ACOT9: variants seen among roughly 807,000 people sequenced by gnomAD.
ACOT9 encodes acyl-coenzyme A thioesterase 9, mitochondrial.
Under a neutral mutation model 39.7 loss-of-function variants are expected in ACOT9, and 34 were observed. The observed-to-expected ratio is 0.86, with a 90% CI of 0.65 to 1.14. The LOEUF (loss-of-function observed/expected upper bound fraction) is 1.14, where lower values mean the gene tolerates loss of function less well. Among genes scored for constraint, ACOT9 ranks in the 50% most tolerant of loss-of-function variants. The pLI is 0.00. For synonymous variants in ACOT9, 110 were observed against 120.5 expected (o/e 0.91, Z 0.57); for missense variants, 313 against 344.1 (o/e 0.91, Z 0.71).
chrX:23,724,874 T>C (rs745847103), intron 6 of ACOT9, among the ~76,000 whole-genome samples: 9 of 110,855 alleles, frequency 8.1e-5, no homozygotes, highest in Non-Finnish European at 9.5e-5. Flanking sequence ...AAGTTTAAGG[T>C]TGCAGTAGGC....
At chrX:23,733,588 TTG>T (rs1370215954) in intron 3 of ACOT9, among the ~76,000 whole-genome samples, 1 of 111,517 alleles carries the variant, frequency 9.0e-6, no homozygotes, top group Non-Finnish European at 1.9e-5. Flanking sequence ...TTCTTTTTTG[TTG>T]TTTTTTTTGA....
chrX:23,720,047 A>C (rs751623439), intron 8 of ACOT9, among the ~76,000 whole-genome samples: 10 of 111,817 alleles, frequency 8.9e-5, no homozygotes, highest in East Asian at 2.8e-4. Flanking sequence ...GTTAGCCAGG[A>C]TGGTCTCGAT....
At chrX:23,733,828 C>T (rs991049478) in intron 3 of ACOT9, among the ~76,000 whole-genome samples, 5 of 112,448 alleles carry the variant, frequency 4.4e-5, no homozygotes, top group Non-Finnish European at 9.4e-5. Context: ...ATAGCACGAT[C>T]TCAGCTCACT....
At chrX:23,733,246 T>C (rs771988009) in intron 3 of ACOT9, 29 bp from the exon 4 acceptor site, 1 of 1,181,099 alleles carries the variant, frequency 8.5e-7, no homozygotes. Flanking sequence ...GGTCATTCCA[T>C]GAAACAAAGA....
chrX:23,706,772 G>A (rs754163613), intron 10 of ACOT9, 33 bp from the exon 11 acceptor site: 33 of 921,472 alleles, frequency 3.6e-5, no homozygotes, highest in Middle Eastern at 2.7e-4. Context: ...GCAATGATCA[G>A]GACGGTCGCA....
In ACOT9 at chrX:23,708,547, A is replaced by T. The variant is rs1033266330; in HGVS notation, c.663-603T>A. ...CTCTGTCTCAAAAAAAGAAAAAAAA[A>T]AAAAAAAGAAAAAGAAAACTGGCTT... On this transcript the variant is annotated intron_variant, in intron 9 of 15. Coordinates refer to ENST00000379303, the MANE Select transcript of ACOT9 (RefSeq NM_001037171.2). 2.6e-4 allele frequency among the ~76,000 whole-genome samples: 28 copies of T among 109,019 alleles called. No homozygotes were observed. In the Admixed American group the frequency reaches 2.7e-3, roughly 11 times the overall value. 94.7% of individuals were successfully genotyped at this position (109,019 alleles called of 115,157 possible). A position where few individuals can be genotyped will look rare whatever the true frequency, so the allele number is the denominator to read the frequency against.
At chrX:23,729,962 T>C (rs937124257) in intron 6 of ACOT9, among the ~76,000 whole-genome samples, 1 of 111,162 alleles carries the variant, frequency 9.0e-6, no homozygotes, top group Non-Finnish European at 1.9e-5. Context: ...TATTTGCAAC[T>C]TTTCTGTAAG....
chrX:23,740,744 A>G (rs1930113764), intron 1 of ACOT9, among the ~76,000 whole-genome samples: 1 of 40,611 alleles, frequency 2.5e-5, no homozygotes, highest in Non-Finnish European at 4.2e-5. Flanking sequence ...ACACACACAC[A>G]CACACACACA....
Position 23,738,124 on chromosome X carries a change from C to T in ACOT9, c.21-2108G>A, listed in dbSNP as rs754577684. Among the ~76,000 whole-genome samples, 312 of 108,526 alleles carry T rather than the reference C, an allele frequency of 2.9e-3. 2 individuals are homozygous for T. Among genetic ancestry groups the T allele is most frequent in the African/African-American group, 0.01 (303 of 29,837 alleles). The allele number at this position is 108,526 out of a possible 115,157, so 94.2% of individuals were successfully genotyped here. On this transcript the variant is annotated intron_variant, in intron 1 of 15. Transcript: ENST00000379303. ...CCCTGTGATCTGCCCACCTTGGCCT[C>T]CCAAAGTGCTGGGATTACAGGCATG...
In ACOT9 at chrX:23,702,110, T is replaced by A. The variant is rs1928502734; in HGVS notation, c.*1784A>T. The A allele has an allele frequency of 9.1e-6, 1 of 109,935 alleles. No individual in the cohort carries two copies. Among genetic ancestry groups the A allele is most frequent in the Admixed American group, 9.8e-5 (1 of 10,210 alleles). The allele number at this position is 109,935 out of a possible 1,213,427, so 9.1% of individuals were successfully genotyped here. A position where few individuals can be genotyped will look rare whatever the true frequency, so the allele number is the denominator to read the frequency against. On this transcript the variant is annotated 3_prime_UTR_variant, in exon 16 of 16. Coordinates refer to ENST00000379303, the MANE Select transcript of ACOT9 (RefSeq NM_001037171.2). ...ACACACAAAAATACTTTCCACCTAATTCTGAGGCAGAGCCAAGTTTGTGAA... is the reference window on the plus strand; with the variant it reads ...ACACACAAAAATACTTTCCACCTAAATCTGAGGCAGAGCCAAGTTTGTGAA...
chrX:23,727,517 G>T (rs1459442815), intron 6 of ACOT9, among the ~76,000 whole-genome samples: 1 of 108,843 alleles, frequency 9.2e-6, no homozygotes, highest in African/African-American at 3.3e-5. Context: ...TAGAGATGGG[G>T]ACTCACTATG....
At chrX:23,725,061 A>G (rs1929459644) in intron 6 of ACOT9, among the ~76,000 whole-genome samples, 1 of 111,934 alleles carries the variant, frequency 8.9e-6, no homozygotes, top group Non-Finnish European at 1.9e-5. Context: ...GGAGTAGATG[A>G]GTTTATAGAG....
rs377737164 is a variant in ACOT9, at chrX:23,743,077, C to T, written c.20+48G>A. The T allele has an allele frequency of 8.6e-5, 96 of 1,121,015 alleles. No homozygotes were observed. The African/African-American group carries it at 1.5e-3, about 18-fold the overall frequency. The allele number at this position is 1,121,015 out of a possible 1,213,427, so 92.4% of individuals were successfully genotyped here. A position where few individuals can be genotyped will look rare whatever the true frequency, so the allele number is the denominator to read the frequency against. On this transcript the variant is annotated intron_variant, in intron 1 of 15. Coordinates refer to ENST00000379303, the MANE Select transcript of ACOT9 (RefSeq NM_001037171.2). ...CCGAAGCTCTAGGGGAAGACGATGGCACCCCAGGCTACCGCCCTGCCAGCC... is the reference window on the plus strand; with the variant it reads ...CCGAAGCTCTAGGGGAAGACGATGGTACCCCAGGCTACCGCCCTGCCAGCC...
chrX:23,733,041 C>A (rs1601820715), intron 4 of ACOT9, 131 bp downstream of exon 4: 1 of 548,191 alleles, frequency 1.8e-6, no homozygotes. Context: ...CTCCCCCAAG[C>A]AAAATACTTC....
chrX:23,725,948 C>T (rs7058058), intron 6 of ACOT9, among the ~76,000 whole-genome samples: 1,151 of 111,482 alleles, frequency 0.01, 10 homozygotes, highest in African/African-American at 0.028. Flanking sequence ...TCTGTAATCC[C>T]AGCACTTTGG....
intron 13 of ACOT9, 96 bp downstream of exon 13, chrX:23,705,413 T>C (rs1272666245): frequency 1.5e-6 from 1 of 668,501 alleles, no homozygotes; most frequent in Non-Finnish European, 2.3e-6. Context: ...ACATAACATA[T>C]TCCCACACAC....
At chrX:23,737,542 C>CA (rs746460106) in intron 1 of ACOT9, among the ~76,000 whole-genome samples, 68 of 112,321 alleles carry the variant, frequency 6.1e-4, no homozygotes, top group African/African-American at 2.1e-3. Flanking sequence ...TTACAGTATT[C>CA]TGTAAAATCT....
chrX:23,727,818 G>A (rs1300992424), intron 6 of ACOT9, among the ~76,000 whole-genome samples: 2 of 107,601 alleles, frequency 1.9e-5, no homozygotes, highest in Admixed American at 1.0e-4. Context: ...GGCCAACATG[G>A]TGAAACCCCG....
intron 1 of ACOT9, 40 bp downstream of exon 1, chrX:23,743,085 G>C: frequency 8.8e-7 from 1 of 1,132,312 alleles, no homozygotes; most frequent in African/African-American, 1.8e-5. Context: ...GGCACCCCAG[G>C]CTACCGCCCT....
Sources: allele counts gnomAD v4.1 joint callset (sites outside exome capture counted in the v4.1 genomes callset), GRCh38; gene constraint gnomAD v4.1.1; transcripts MANE v1.5; gene names NCBI Gene and HGNC (gene_info 2026-07-23, HGNC 2026-07-21).